The following PPWD1 variants were observed in gnomAD, a reference collection of about 807,000 sequenced individuals.
PPWD1 encodes the protein peptidylprolyl isomerase domain and WD repeat-containing protein 1.
A neutral mutation model predicts 68.8 loss-of-function variants in PPWD1; 43 were observed. That is an observed-to-expected ratio of 0.62 (90% CI 0.49 to 0.81). PPWD1 has a LOEUF of 0.81. PPWD1 is among the 30% of genes least tolerant of loss of function. PPWD1 has a pLI of 0.00. For synonymous variants in PPWD1, 232 were observed against 258.7 expected, an observed-to-expected ratio of 0.90 and a Z score of 0.99; for missense variants, 672 against 804.8, an observed-to-expected ratio of 0.83 and a Z score of 2.00.
At chr5:65,569,836 C>G (rs1752940277) in intron 3 of PPWD1, 42 bp from the exon 4 acceptor site, 5 of 1,567,726 alleles carry the variant, frequency 3.2e-6, no homozygotes, top group Non-Finnish European at 4.4e-6. Flanking sequence ...ACTTATTTTA[C>G]TGTTATTTAC....
chr5:65,587,469 A>G lies in PPWD1; in HGVS notation c.*73A>G. On this transcript the variant is annotated 3_prime_UTR_variant, in exon 11 of 11. Transcript: ENST00000261308. ...CAGATTATTTTACATTAGGAAGCTT[A>G]GGACTTGCTGAATATACAGATCATG... The G allele has an allele frequency of 8.3e-7, 1 of 1,206,530 alleles. No homozygotes were observed. Among genetic ancestry groups the G allele is most frequent in the East Asian group, 2.8e-5 (1 of 36,234 alleles). The allele number at this position is 1,206,530 out of a possible 1,614,324, so 74.7% of individuals were successfully genotyped here. A position where few individuals can be genotyped will look rare whatever the true frequency, so the allele number is the denominator to read the frequency against.
intron 8 of PPWD1, among the ~76,000 whole-genome samples, chr5:65,583,698 C>T (rs2150608361): frequency 6.6e-6 from 1 of 152,102 alleles, no homozygotes; most frequent in East Asian, 1.9e-4. Flanking sequence ...CTTGTAATCC[C>T]AGCTATTCAG....
Position 65,587,476 on chromosome 5 carries a change from G to C in PPWD1, c.*80G>C. The C allele has an allele frequency of 1.8e-6, 2 of 1,119,198 alleles. No individual in the cohort carries two copies. The highest frequency in any genetic ancestry group is 5.5e-5 in the Admixed American group (2 of 36,176). 69.3% of individuals were successfully genotyped at this position (1,119,198 alleles called of 1,614,324 possible). On this transcript the variant is annotated 3_prime_UTR_variant, in exon 11 of 11. Coordinates refer to ENST00000261308, the MANE Select transcript of PPWD1 (RefSeq NM_015342.4). Reference sequence around the variant, plus strand: ...TTTTACATTAGGAAGCTTAGGACTTGCTGAATATACAGATCATGTTTCAAA... The same window carrying C: ...TTTTACATTAGGAAGCTTAGGACTTCCTGAATATACAGATCATGTTTCAAA...
rs1423911362 is a variant in PPWD1 at position 65,573,473 on chromosome 5, A to AT, written c.969+1188dup. Among the ~76,000 whole-genome samples, 68 of 42,868 alleles carry AT rather than the reference A, an allele frequency of 1.6e-3. 1 individual carries two copies. The highest frequency in any genetic ancestry group is 5.8e-3 in the African/African-American group (58 of 9,976). 28.1% of individuals were successfully genotyped at this position (42,868 alleles called of 152,430 possible). On this transcript the variant is annotated intron_variant, in intron 5 of 10. Coordinates refer to ENST00000261308, the MANE Select transcript of PPWD1 (RefSeq NM_015342.4). ...ACACTTAGCTAATATATATATATAT[A>AT]TATTTTTTTTTTATTAGAGATGGGT...
In PPWD1 at chr5:65,578,957, C is replaced by T. The variant is rs373144568; in HGVS notation, c.1161-467C>T. ...TTATTGAGATGGAGTCTTGTTCTGTCACCCAGGCTGGAGAGCAGTGGCACG... is the reference window on the plus strand; with the variant it reads ...TTATTGAGATGGAGTCTTGTTCTGTTACCCAGGCTGGAGAGCAGTGGCACG... On this transcript the variant is annotated intron_variant, in intron 6 of 10. Coordinates refer to ENST00000261308, the MANE Select transcript of PPWD1 (RefSeq NM_015342.4). Among the ~76,000 whole-genome samples the T allele has an allele frequency of 1.4e-3, 215 of 151,920 alleles. 6 individuals are homozygous for T. In the South Asian group the frequency reaches 0.041, roughly 29 times the overall value.
intron 2 of PPWD1, chr5:65,568,802 A>G: frequency 6.0e-6 from 2 of 335,076 alleles, no homozygotes; most frequent in South Asian, 5.1e-5. Flanking sequence ...TTCTGACCAA[A>G]TATTAGCACC....
At chr5:65,570,309 C>T (rs1347747814) in intron 4 of PPWD1, 2 of 890,426 alleles carry the variant, frequency 2.2e-6, no homozygotes, top group African/African-American at 1.8e-5. Context: ...CAGTTAACTT[C>T]CTTGCTTTAC....
intron 1 of PPWD1, among the ~76,000 whole-genome samples, chr5:65,566,376 A>G (rs114802254): frequency 0.014 from 2,060 of 152,318 alleles, 49 homozygotes; most frequent in African/African-American, 0.047. Flanking sequence ...TACAGCAGTT[A>G]TATCCCAGTT....
intron 9 of PPWD1, 27 bp downstream of exon 9, chr5:65,585,122 T>C (rs186174495): frequency 1.6e-4 from 255 of 1,559,704 alleles, no homozygotes; most frequent in African/African-American, 9.8e-4. Flanking sequence ...TCATGTCATA[T>C]AAGAAATACT....
chr5:65,586,654 A>T (rs1753863583), intron 10 of PPWD1, among the ~76,000 whole-genome samples: 1 of 152,164 alleles, frequency 6.6e-6, no homozygotes, highest in Non-Finnish European at 1.5e-5. Flanking sequence ...TATAAAAATT[A>T]CCTAGTTTTT....
chr5:65,575,486 A>G (rs1196192610), intron 5 of PPWD1, among the ~76,000 whole-genome samples: 5 of 152,218 alleles, frequency 3.3e-5, no homozygotes, highest in African/African-American at 1.2e-4. Flanking sequence ...TGAGTTTTGT[A>G]TATAGTTCTA....
In PPWD1 at chr5:65,576,685, T is replaced by C; in HGVS notation, c.970-194T>C. ...CCACCATGCCCAGCCTGAAATACTA[T>C]TTTTTAGTGATTGGACTTACTAATG... On this transcript the variant is annotated intron_variant, in intron 5 of 10. Transcript: ENST00000261308. 3.6e-6 allele frequency: 3 copies of C among 831,826 alleles called. No individual in the cohort carries two copies. In the African/African-American group the frequency reaches 5.5e-5, roughly 15 times the overall value. The allele number at this position is 831,826 out of a possible 1,614,324, so 51.5% of individuals were successfully genotyped here. A position where few individuals can be genotyped will look rare whatever the true frequency, so the allele number is the denominator to read the frequency against.
intron 1 of PPWD1, among the ~76,000 whole-genome samples, chr5:65,566,701 G>T (rs57517399): frequency 0.033 from 4,994 of 150,540 alleles, 270 homozygotes; most frequent in African/African-American, 0.12. Context: ...CCCTCCCCTC[G>T]TTCCCTCCTT....
chr5:65,563,899 T>TA (rs1428668071), intron 1 of PPWD1: 2 of 1,418,988 alleles, frequency 1.4e-6, no homozygotes, highest in African/African-American at 2.8e-5. Flanking sequence ...GTTAATGTAT[T>TA]AATGTGTTGG....
intron 1 of PPWD1, chr5:65,564,085 C>T: frequency 3.8e-6 from 2 of 524,164 alleles, no homozygotes; most frequent in Admixed American, 3.2e-5. Context: ...GCTCTTGATA[C>T]GATGGGCTGA....
chr5:65,565,235 G>T (rs183061244), intron 1 of PPWD1, among the ~76,000 whole-genome samples: 31 of 152,108 alleles, frequency 2.0e-4, no homozygotes, highest in African/African-American at 7.5e-4. Flanking sequence ...CGCCTTTTTT[G>T]TTTCATTGCT....
intron 1 of PPWD1, 135 bp downstream of exon 1, chr5:65,563,641 C>G: frequency 7.5e-7 from 1 of 1,330,624 alleles, no homozygotes; most frequent in East Asian, 2.5e-5. Context: ...TCACTTCTGG[C>G]TACTCCATAC....
rs573705705 is a variant in PPWD1, at chr5:65,574,448, CTTTTTTTT to C, written c.969+2181_969+2188del. On this transcript the variant is annotated intron_variant, in intron 5 of 10. Transcript: ENST00000261308. ...GAATCTAGTCTCTGGACACAAATCT[CTTTTTTTT>C]TTTTTTTTTTTTTTTTTTGAGACGG... 5.9e-4 allele frequency among the ~76,000 whole-genome samples: 54 copies of C among 91,994 alleles called. No homozygotes were observed. The East Asian group carries it at 9.1e-3, about 15-fold the overall frequency. 60.4% of individuals were successfully genotyped at this position (91,994 alleles called of 152,430 possible).
At chr5:65,567,433 A>G in intron 1 of PPWD1, 80 bp from the exon 2 acceptor site, 1 of 1,422,382 alleles carries the variant, frequency 7.0e-7, no homozygotes, top group Non-Finnish European at 9.3e-7. Context: ...AGTGTAGACA[A>G]TTTTAAATAA....
Sources: gnomAD v4.1 joint callset for allele counts (sites outside exome capture counted in the v4.1 genomes callset) on GRCh38, gnomAD v4.1.1 for gene constraint, MANE v1.5 for transcripts, NCBI Gene and HGNC (gene_info 2026-07-23, HGNC 2026-07-21) for gene names.